The following HNRNPU variants were observed in gnomAD, a reference collection of about 807,000 sequenced individuals.
The protein encoded by HNRNPU is heterogeneous nuclear ribonucleoprotein U.
Under a neutral mutation model 94.7 loss-of-function variants are expected in HNRNPU, and 5 were observed. The observed-to-expected ratio is 0.05, with a 90% confidence interval of 0.03 to 0.11. HNRNPU has a LOEUF of 0.11. Among genes scored for constraint, HNRNPU ranks in the 10% least tolerant of loss-of-function variants. HNRNPU has a pLI of 1.00. For missense variants in HNRNPU, 710 were observed against 1,049.2 expected (o/e 0.68, Z 4.47); for synonymous variants, 434 against 381.6 (o/e 1.14, Z -1.60).
At chr1:244,863,028 G>A in intron 1 of HNRNPU, 2 of 341,010 alleles carry the variant, frequency 5.9e-6, no homozygotes, top group South Asian at 8.2e-5. Flanking sequence ...GAGGGGGAGG[G>A]GCCGAGCCCG....
At position 244,856,803 on chromosome 1, in the gene HNRNPU, C is replaced by T; in HGVS notation, c.1668G>A (p.Leu556=). ...TCCCAAGACACTGGGGGGCTCTCTGCAACAGTGTGTTCAGTTTTCCAGTAT... is the reference window on the plus strand; with the variant it reads ...TCCCAAGACACTGGGGGGCTCTCTGTAACAGTGTGTTCAGTTTTCCAGTAT... The part of the protein sequence containing the change: ...MADTGKLNTL[L]QRAPQCLGKF... Residue 556 remains leucine, a synonymous_variant, in exon 9 of 14, where the codon TTG becomes TTA. Transcript: ENST00000640218. The T allele has an allele frequency of 6.2e-7, 1 of 1,611,288 alleles. No homozygotes were observed. Among genetic ancestry groups the T allele is most frequent in the Non-Finnish European group, 8.5e-7 (1 of 1,179,108 alleles).
intron 5 of HNRNPU, 125 bp from the exon 6 acceptor site, chr1:244,858,966 CTA>C (rs1232875856): frequency 4.9e-6 from 3 of 608,974 alleles, no homozygotes; most frequent in African/African-American, 1.9e-5. Flanking sequence ...GTCACTGACA[CTA>C]TTACTTTTCT....
intron 1 of HNRNPU, among the ~76,000 whole-genome samples, chr1:244,863,395 GACACAC>G (rs1177980110): frequency 5.1e-3 from 704 of 138,704 alleles, no homozygotes; most frequent in Middle Eastern, 0.027. Context: ...TGCCACCGCC[GACACAC>G]ACACACACAC....
At chr1:244,855,660 C>A in intron 11 of HNRNPU, 52 bp from the exon 12 acceptor site, 1 of 1,570,850 alleles carries the variant, frequency 6.4e-7, no homozygotes. Flanking sequence ...CCTACTTATA[C>A]AGAAGACTTA....
At chr1:244,858,689 A>ATAT (rs780735576) in intron 6 of HNRNPU, 40 bp downstream of exon 6, 2 of 1,086,190 alleles carry the variant, frequency 1.8e-6, no homozygotes, top group Admixed American at 3.6e-5. Context: ...TATAGCTACT[A>ATAT]ACTTTGCCAT....
chr1:244,855,948 C>A lies in HNRNPU; in HGVS notation c.2123G>T (p.Gly708Val). 6.2e-7 allele frequency: 1 copy of A among 1,614,148 alleles called. No individual in the cohort carries two copies. The highest frequency in any genetic ancestry group is 8.5e-7 in the Non-Finnish European group (1 of 1,179,994). The change falls in exon 11 of 14, where the codon GGA (glycine) becomes GTA (valine). Residue 708 changes from glycine (G) to valine (V), a missense_variant. Physicochemically the swap from Gly to Val is moderately radical, Grantham distance 109. Around this residue, in one of 8 missense-constraint regions of HNRNPU, gnomAD observed 152 missense variants for 238.9 expected, o/e 0.64. Coordinates refer to ENST00000640218, the MANE Select transcript of HNRNPU (RefSeq NM_031844.3). Reference protein sequence around the residue: ...NQFNRGGGHRGRGGFNMRGGN... With the variant: ...NQFNRGGGHRVRGGFNMRGGN... ...ACCACGCATATTGAATCCTCCACGTCCTCTATGGCCACCACCTCTGTTAAA... is the reference window on the plus strand; with the variant it reads ...ACCACGCATATTGAATCCTCCACGTACTCTATGGCCACCACCTCTGTTAAA...
chr1:244,860,796 G>A, intron 3 of HNRNPU: 1 of 338,858 alleles, frequency 3.0e-6, no homozygotes, highest in South Asian at 8.1e-5. Flanking sequence ...GAGGCAAGCA[G>A]TAGAGGATAG....
intron 4 of HNRNPU, chr1:244,860,104 AG>A (rs1680786940): frequency 2.4e-6 from 1 of 413,998 alleles, no homozygotes. Context: ...GTTGGCGACC[AG>A]CCTGGCCTAC....
chr1:244,859,293 T>C lies in HNRNPU; in HGVS notation c.1099A>G (p.Thr367Ala), dbSNP rs755356064. 8 of 1,570,704 alleles carry C rather than the reference T, an allele frequency of 5.1e-6. No homozygotes were observed. In the South Asian group the frequency reaches 6.7e-5, roughly 13 times the overall value. ...GCTTTACCAAGTAACATTCCACTTG[T>C]AGTTAGTGACCAGCCAATACGAACT... ...HEVRIGWSLT[T>A]SGMLLGEEEF... The change falls in exon 5 of 14, where the codon ACA (threonine) becomes GCA (alanine). Residue 367 changes from threonine (T) to alanine (A), a missense_variant. By Grantham distance (58) the Thr-to-Ala change is moderately conservative. Transcript: ENST00000640218.
chr1:244,857,444 G>A lies in HNRNPU; in HGVS notation c.1614+154C>T, dbSNP rs898923969. The A allele has an allele frequency of 2.1e-5, 15 of 719,736 alleles. No individual in the cohort carries two copies. In the South Asian group the frequency reaches 2.2e-4, roughly 11 times the overall value. The allele number at this position is 719,736 out of a possible 1,614,324, so 44.6% of individuals were successfully genotyped here. On this transcript the variant is annotated intron_variant, in intron 8 of 13. Coordinates refer to ENST00000640218, the MANE Select transcript of HNRNPU (RefSeq NM_031844.3). ...AAATTTTTAGTAGGAACGGGGCTTC[G>A]CCATGTTGGCCAGGTGGGTCTCAAA... is the stretch of plus-strand genomic sequence containing the variant.
intron 7 of HNRNPU, 124 bp from the exon 8 acceptor site, chr1:244,857,841 T>G (rs1351852006): frequency 1.4e-6 from 2 of 1,379,900 alleles, no homozygotes; most frequent in African/African-American, 1.5e-5. Flanking sequence ...GGACAAAAAT[T>G]TGTTTATGGA....
At chr1:244,860,560 T>G in intron 3 of HNRNPU, 86 bp from the exon 4 acceptor site, 1 of 1,044,672 alleles carries the variant, frequency 9.6e-7, no homozygotes, top group Non-Finnish European at 1.4e-6. Flanking sequence ...ACTTAATTTT[T>G]GCATGTACTT....
chr1:244,854,619 G>C, intron 13 of HNRNPU, 116 bp from the exon 14 acceptor site: 1 of 721,526 alleles, frequency 1.4e-6, no homozygotes, highest in Non-Finnish European at 2.5e-6. Context: ...ATTTATACCT[G>C]TCATACCTCT....
Position 244,854,596 on chromosome 1 carries a change from T to C in HNRNPU, c.2425-93A>G, listed in dbSNP as rs964698769. 1.7e-5 allele frequency: 15 copies of C among 876,512 alleles called. No individual in the cohort carries two copies. The Admixed American group carries it at 3.0e-4, about 17-fold the overall frequency. 54.3% of individuals were successfully genotyped at this position (876,512 alleles called of 1,614,324 possible). A position where few individuals can be genotyped will look rare whatever the true frequency, so the allele number is the denominator to read the frequency against. ...GACAATGAATCTAATTCAGAGTAATTTGCTGGAAACAAATTTATACCTGTC... is the reference window on the plus strand; with the variant it reads ...GACAATGAATCTAATTCAGAGTAATCTGCTGGAAACAAATTTATACCTGTC... On this transcript the variant is annotated intron_variant, in intron 13 of 13. Coordinates refer to ENST00000640218, the MANE Select transcript of HNRNPU (RefSeq NM_031844.3).
chr1:244,854,601 G>A (rs973432511), intron 13 of HNRNPU, 98 bp from the exon 14 acceptor site: 1 of 835,906 alleles, frequency 1.2e-6, no homozygotes, highest in South Asian at 1.4e-5. Flanking sequence ...GTAATTTGCT[G>A]GAAACAAATT....
chr1:244,852,878 T>A lies in HNRNPU; in HGVS notation c.*1572A>T, dbSNP rs980683972. ...TTTAGTTCTACAGTTTGACTCCTGA[T>A]TCCTCACTTCACATTGGTGAGGGGA... On this transcript the variant is annotated 3_prime_UTR_variant, in exon 14 of 14. Coordinates refer to ENST00000640218, the MANE Select transcript of HNRNPU (RefSeq NM_031844.3). 6.6e-6 allele frequency: 1 copy of A among 152,612 alleles called. No homozygotes were observed. The highest frequency in any genetic ancestry group is 1.5e-5 in the Non-Finnish European group (1 of 68,002). 9.5% of individuals were successfully genotyped at this position (152,612 alleles called of 1,614,324 possible).
At position 244,857,539 on chromosome 1, in the gene HNRNPU, G is replaced by GC. The variant is rs760032446; in HGVS notation, c.1614+58dup. ...TGAGATTACAGGCGTGAACCACCAT[G>GC]CCCAGCCTCTCCCAGTCTATTTTAA... On this transcript the variant is annotated intron_variant, in intron 8 of 13. Coordinates refer to ENST00000640218, the MANE Select transcript of HNRNPU (RefSeq NM_031844.3). 1.4e-4 allele frequency: 211 copies of GC among 1,551,718 alleles called. No individual in the cohort carries two copies. In the Middle Eastern group the frequency reaches 3.2e-3, roughly 24 times the overall value.
chr1:244,861,521 T>C (rs552597491), intron 3 of HNRNPU: 15 of 152,332 alleles, frequency 9.8e-5, no homozygotes, highest in African/African-American at 3.6e-4. Flanking sequence ...CTGTAAAGGA[T>C]ATTCCAGTAA....
chr1:244,861,817 G>C lies in HNRNPU; in HGVS notation c.877+644C>G, dbSNP rs991947216. 2.0e-5 allele frequency: 3 copies of C among 150,152 alleles called. No individual in the cohort carries two copies. The South Asian group carries it at 6.3e-4, about 32-fold the overall frequency. The allele number at this position is 150,152 out of a possible 1,614,324, so 9.3% of individuals were successfully genotyped here. On this transcript the variant is annotated intron_variant, in intron 3 of 13. Coordinates refer to ENST00000640218, the MANE Select transcript of HNRNPU (RefSeq NM_031844.3). Reference sequence around the variant, plus strand: ...GTTTGCAATACTTTCTCACTCAATTGCAACCCAACTGGGTAAAGTAGCAGT... The same window carrying C: ...GTTTGCAATACTTTCTCACTCAATTCCAACCCAACTGGGTAAAGTAGCAGT...
Sources: gnomAD v4.1 joint callset for allele counts (sites outside exome capture counted in the v4.1 genomes callset) on GRCh38, gnomAD v4.1.1 for gene constraint, gnomAD v4.1.1 regional missense constraint, MANE v1.5 for transcripts, NCBI Gene and HGNC (gene_info 2026-07-23, HGNC 2026-07-21) for gene names.